Variants in PHC2 observed in about 807,000 individuals in gnomAD.
The protein encoded by PHC2 is polyhomeotic-like protein 2.
In PHC2, 29 loss-of-function variants were observed where a neutral mutation model predicts 87.4. That is an observed-to-expected ratio of 0.33 (90% CI 0.25 to 0.45). The LOEUF is 0.45. Ranked by LOEUF, PHC2 falls within the 20% of genes least tolerant of loss-of-function variation. PHC2 has a pLI of 1.00. For synonymous variants in PHC2, 438 were observed against 461.7 expected, an observed-to-expected ratio of 0.95 and a Z score of 0.66; for missense variants, 857 against 1,136.7, an observed-to-expected ratio of 0.75 and a Z score of 3.54.
At chr1:33,408,655 C>A (rs10914698) in intron 1 of PHC2, among the ~76,000 whole-genome samples, 2,710 of 151,968 alleles carry the variant, frequency 0.018, 75 homozygotes, top group African/African-American at 0.061. Context: ...TTAGTAGAGA[C>A]GGGGTTTCAC....
intron 1 of PHC2, among the ~76,000 whole-genome samples, chr1:33,419,510 C>T (rs1196961052): frequency 1.3e-5 from 2 of 152,226 alleles, no homozygotes; most frequent in Non-Finnish European, 2.9e-5. Context: ...GTGTCTTCCT[C>T]TGCCTCTCTA....
Position 33,332,505 on chromosome 1 carries a change from A to T in PHC2, c.1762-101T>A. 7.2e-7 allele frequency: 1 copy of T among 1,379,940 alleles called. No homozygotes were observed. Among genetic ancestry groups the T allele is most frequent in the Non-Finnish European group, 1.0e-6 (1 of 984,724 alleles). The allele number at this position is 1,379,940 out of a possible 1,614,324, so 85.5% of individuals were successfully genotyped here. A position where few individuals can be genotyped will look rare whatever the true frequency, so the allele number is the denominator to read the frequency against. On this transcript the variant is annotated intron_variant, in intron 10 of 14. Transcript: ENST00000683057. This position sits in a 1 kb window ranked among gnomAD's most constrained non-coding sequence, Gnocchi z 4.2. ...ACACGTATAAAGTATCCAGGCACAGAGGCCAGCCCTCCTCAAACCTTCCCC... is the reference window on the plus strand; with the variant it reads ...ACACGTATAAAGTATCCAGGCACAGTGGCCAGCCCTCCTCAAACCTTCCCC...
chr1:33,392,796 C>T (rs1649124450), intron 1 of PHC2: 2 of 151,816 alleles, frequency 1.3e-5, no homozygotes, highest in African/African-American at 4.8e-5. Context: ...ACACATACTC[C>T]GTGTTGGGAA....
At chr1:33,358,451 C>T (rs951352122) in intron 7 of PHC2, among the ~76,000 whole-genome samples, 1 of 152,128 alleles carries the variant, frequency 6.6e-6, no homozygotes, top group Non-Finnish European at 1.5e-5. Context: ...TTAATACATC[C>T]TTAACTTTTT....
intron 7 of PHC2, among the ~76,000 whole-genome samples, chr1:33,359,755 G>A (rs545701273): frequency 3.3e-5 from 5 of 152,356 alleles, no homozygotes; most frequent in Non-Finnish European, 5.9e-5. Context: ...GAGCAAGTAA[G>A]TGTTTAACAT....
At chr1:33,394,791 A>G (rs1649228407) in intron 1 of PHC2, among the ~76,000 whole-genome samples, 1 of 152,106 alleles carries the variant, frequency 6.6e-6, no homozygotes. Flanking sequence ...GCTGGTCTCG[A>G]ACTACTGGGT....
rs1298598301 is a variant in PHC2 at position 33,368,651 on chromosome 1, A to G, written c.577-29T>C. On this transcript the variant is annotated intron_variant, in intron 5 of 14. Transcript: ENST00000683057. The surrounding 1 kb of genome is among the most constrained non-coding windows in gnomAD (Gnocchi z 6.6). ...AGGGGACAAAGGAACAGTGCCGCCTAGGCTCCTAGCTACCTGCACCAGGTT... is the reference window on the plus strand; with the variant it reads ...AGGGGACAAAGGAACAGTGCCGCCTGGGCTCCTAGCTACCTGCACCAGGTT... The G allele has an allele frequency of 2.7e-6, 4 of 1,502,440 alleles. No homozygotes were observed. The highest frequency in any genetic ancestry group is 3.6e-6 in the Non-Finnish European group (4 of 1,102,516). The allele number at this position is 1,502,440 out of a possible 1,614,324, so 93.1% of individuals were successfully genotyped here.
At chr1:33,424,586 G>T (rs938439731) in intron 1 of PHC2, among the ~76,000 whole-genome samples, 1 of 152,170 alleles carries the variant, frequency 6.6e-6, no homozygotes, top group Non-Finnish European at 1.5e-5. Context: ...TTAGACGCTG[G>T]TCTCTGCCCA....
At chr1:33,339,980 C>G (rs912860981) in intron 9 of PHC2, among the ~76,000 whole-genome samples, 3 of 152,146 alleles carry the variant, frequency 2.0e-5, no homozygotes, top group African/African-American at 7.2e-5. Flanking sequence ...ACATCTGCAA[C>G]AGGTATTTCA....
intron 1 of PHC2, 110 bp downstream of exon 1, chr1:33,430,866 G>T (rs186010237): frequency 6.6e-6 from 1 of 150,422 alleles, no homozygotes; most frequent in African/African-American, 2.4e-5. Flanking sequence ...CGGCCCGACC[G>T]TGACAGCTGG....
chr1:33,335,948 G>C (rs1459794503), intron 9 of PHC2, among the ~76,000 whole-genome samples: 1 of 151,734 alleles, frequency 6.6e-6, no homozygotes, highest in Non-Finnish European at 1.5e-5. Context: ...AGTTCATAAT[G>C]GGTCTTGGTC....
chr1:33,361,329 C>G (rs1647189664), intron 7 of PHC2, among the ~76,000 whole-genome samples: 1 of 152,066 alleles, frequency 6.6e-6, no homozygotes, highest in South Asian at 2.1e-4. Context: ...CATAAAGACA[C>G]AGTGAAGGTT....
intron 1 of PHC2, among the ~76,000 whole-genome samples, chr1:33,406,793 A>C (rs1317884190): frequency 6.6e-6 from 1 of 152,088 alleles, no homozygotes; most frequent in East Asian, 1.9e-4. Context: ...AGGCTTCTTT[A>C]ATCTGTGGAT....
chr1:33,327,399 G>A (rs1646394514), intron 14 of PHC2, among the ~76,000 whole-genome samples: 1 of 152,134 alleles, frequency 6.6e-6, no homozygotes, highest in South Asian at 2.1e-4. Context: ...GGACCAAACT[G>A]TCGGGGATTT....
intron 9 of PHC2, chr1:33,336,982 C>G (rs1646651212): frequency 6.6e-6 from 1 of 152,226 alleles, no homozygotes; most frequent in South Asian, 2.1e-4. Flanking sequence ...ATATTTAACT[C>G]TGCCTTTACA....
At chr1:33,348,782 G>A (rs1009665594) in intron 9 of PHC2, among the ~76,000 whole-genome samples, 47 of 152,142 alleles carry the variant, frequency 3.1e-4, no homozygotes, top group African/African-American at 1.1e-3. Flanking sequence ...GGTACATATC[G>A]TAGGTATGGA....
intron 1 of PHC2, among the ~76,000 whole-genome samples, chr1:33,423,691 A>C (rs1249405591): frequency 6.6e-6 from 1 of 152,276 alleles, no homozygotes; most frequent in Admixed American, 6.5e-5. Context: ...TACTAAAAAA[A>C]TTAATTTGGG....
At chr1:33,389,338 C>A (rs185863630) in intron 1 of PHC2, among the ~76,000 whole-genome samples, 11 of 152,094 alleles carry the variant, frequency 7.2e-5, no homozygotes, top group Non-Finnish European at 1.6e-4. Context: ...TCATGCAATG[C>A]TTCATCAGTT....
Position 33,334,392 on chromosome 1 carries a change from C to A in PHC2, c.1559-100G>T. 9.4e-7 allele frequency: 1 copy of A among 1,063,042 alleles called. No individual in the cohort carries two copies. Among genetic ancestry groups the A allele is most frequent in the Non-Finnish European group, 1.4e-6 (1 of 718,236 alleles). 65.9% of individuals were successfully genotyped at this position (1,063,042 alleles called of 1,614,324 possible). ...GACTCAAACTGCGCCCGGCTTTTAC[C>A]GTGGGGCCAAGCGACAATGCAAACC... On this transcript the variant is annotated intron_variant, in intron 9 of 14. Transcript: ENST00000683057. The surrounding 1 kb of genome is among the most constrained non-coding windows in gnomAD (Gnocchi z 5.5).
Sources: gnomAD v4.1 joint callset for allele counts (sites outside exome capture counted in the v4.1 genomes callset) on GRCh38, gnomAD v4.1.1 for gene constraint, Gnocchi (gnomAD v3.1) non-coding constraint, MANE v1.5 for transcripts, NCBI Gene and HGNC (gene_info 2026-07-23, HGNC 2026-07-21) for gene names.